Variants in GRIN2A observed in about 807,000 individuals in gnomAD.
The protein encoded by GRIN2A is glutamate ionotropic receptor NMDA type subunit 2A.
GRIN2A carries 22 observed loss-of-function variants against 113.4 expected under a neutral mutation model. The ratio of observed to expected loss-of-function variants is 0.19; its 90% confidence interval spans 0.14 to 0.28. The LOEUF (loss-of-function observed/expected upper bound fraction) is 0.28, where lower values mean the gene tolerates loss of function less well. GRIN2A is among the 10% of genes least tolerant of loss of function. GRIN2A has a pLI of 1.00. For synonymous variants in GRIN2A, 827 were observed against 738.4 expected (o/e 1.12, Z -1.94); for missense variants, 1,502 against 1,887.0 (o/e 0.80, Z 3.78).
intron 11 of GRIN2A, among the ~76,000 whole-genome samples, chr16:9,781,163 A>G (rs1242962198): frequency 6.6e-6 from 1 of 152,180 alleles, no homozygotes; most frequent in Non-Finnish European, 1.5e-5. Context: ...TTTATAAAAA[A>G]CATGTAATGG....
chr16:9,808,601 T>C (rs2042026784), intron 10 of GRIN2A, among the ~76,000 whole-genome samples: 1 of 152,154 alleles, frequency 6.6e-6, no homozygotes, highest in Non-Finnish European at 1.5e-5. Context: ...TTTACACATG[T>C]GGGAAACAGG....
intron 4 of GRIN2A, among the ~76,000 whole-genome samples, chr16:9,878,649 T>A (rs931413352): frequency 6.6e-6 from 1 of 152,196 alleles, no homozygotes; most frequent in Non-Finnish European, 1.5e-5. Context: ...ATCATTAGTA[T>A]CCCTATCAAC....
intron 2 of GRIN2A, among the ~76,000 whole-genome samples, chr16:10,088,593 C>G (rs1226871820): frequency 6.6e-6 from 1 of 152,232 alleles, no homozygotes; most frequent in Non-Finnish European, 1.5e-5. Flanking sequence ...GTCTGGATAT[C>G]ATTAGCTAAT....
At chr16:9,967,240 A>G (rs2045573096) in intron 2 of GRIN2A, among the ~76,000 whole-genome samples, 1 of 152,238 alleles carries the variant, frequency 6.6e-6, no homozygotes, top group East Asian at 1.9e-4. Context: ...TGGTAGATAT[A>G]CACCACGGAA....
intron 3 of GRIN2A, among the ~76,000 whole-genome samples, chr16:9,897,222 A>T (rs1265014517): frequency 5.0e-5 from 4 of 79,288 alleles, no homozygotes; most frequent in African/African-American, 1.6e-4. Flanking sequence ...TATATATATA[A>T]AAAAATACAT....
intron 2 of GRIN2A, among the ~76,000 whole-genome samples, chr16:10,028,093 A>G (rs1178273820): frequency 1.3e-5 from 2 of 152,222 alleles, no homozygotes; most frequent in East Asian, 3.9e-4. Context: ...ATCCTTGATC[A>G]GTGACACATG....
intron 4 of GRIN2A, among the ~76,000 whole-genome samples, chr16:9,885,027 G>A (rs758630037): frequency 2.0e-5 from 3 of 151,962 alleles, no homozygotes; most frequent in African/African-American, 4.8e-5. Context: ...GTGAGCCACC[G>A]TGCCCGGCTA....
intron 2 of GRIN2A, among the ~76,000 whole-genome samples, chr16:10,062,751 G>A (rs538837556): frequency 6.6e-6 from 1 of 152,122 alleles, no homozygotes; most frequent in Non-Finnish European, 1.5e-5. Context: ...TATAATCCCG[G>A]CTACTCGGGA....
chr16:9,987,737 G>T (rs1330361353), intron 2 of GRIN2A, among the ~76,000 whole-genome samples: 2 of 152,294 alleles, frequency 1.3e-5, no homozygotes, highest in East Asian at 1.9e-4. Context: ...AGAGGTAATG[G>T]TCTTAAATAG....
Position 9,822,345 on chromosome 16 carries a change from T to C in GRIN2A, c.2087A>G (p.Asn696Ser). ...GTACTGATGCATGTAGGGATAGTTA[T>C]TCCGAATGTTTCTCTCCGTGCTTCC... The part of the protein sequence containing the change: ...PNGSTERNIR[N>S]NYPYMHQYMT... Residue 696 changes from asparagine (N) to serine (S), a missense_variant, in exon 10 of 13, where the codon AAT (asparagine) becomes AGT (serine). Transcript: ENST00000330684. The C allele has an allele frequency of 6.2e-7, 1 of 1,611,826 alleles. No individual in the cohort carries two copies. Among genetic ancestry groups the C allele is most frequent in the East Asian group, 2.2e-5 (1 of 44,848 alleles).
chr16:9,918,048 G>A (rs2044285474), intron 3 of GRIN2A, among the ~76,000 whole-genome samples: 1 of 152,066 alleles, frequency 6.6e-6, no homozygotes, highest in Non-Finnish European at 1.5e-5. Context: ...CACTTACTGT[G>A]GGCCAGGTAC....
At chr16:10,046,710 C>T (rs754595566) in intron 2 of GRIN2A, among the ~76,000 whole-genome samples, 20 of 152,086 alleles carry the variant, frequency 1.3e-4, no homozygotes, top group Admixed American at 5.2e-4. Flanking sequence ...ATAAATTCTG[C>T]ACCCTTTTGA....
intron 3 of GRIN2A, among the ~76,000 whole-genome samples, chr16:9,919,558 T>C (rs940672296): frequency 6.6e-6 from 1 of 152,164 alleles, no homozygotes; most frequent in Non-Finnish European, 1.5e-5. Context: ...GTACATTTTG[T>C]ACCACCCTAG....
intron 3 of GRIN2A, among the ~76,000 whole-genome samples, chr16:9,900,043 A>G (rs7197598): frequency 0.027 from 4,158 of 152,318 alleles, 194 homozygotes; most frequent in African/African-American, 0.095. Context: ...ACGTCTAATG[A>G]GATACACAAC....
At chr16:10,097,401 C>G (rs1304636389) in intron 2 of GRIN2A, among the ~76,000 whole-genome samples, 1 of 152,166 alleles carries the variant, frequency 6.6e-6, no homozygotes, top group East Asian at 1.9e-4. Context: ...AAATCTTCAC[C>G]CTACATATAT....
intron 4 of GRIN2A, among the ~76,000 whole-genome samples, chr16:9,887,206 A>T (rs1433079552): frequency 1.3e-5 from 2 of 151,958 alleles, no homozygotes; most frequent in Non-Finnish European, 2.9e-5. Flanking sequence ...GTTTTTTTTT[A>T]AACTAAGCAC....
intron 2 of GRIN2A, among the ~76,000 whole-genome samples, chr16:10,123,052 C>A (rs908845925): frequency 2.0e-5 from 3 of 152,194 alleles, no homozygotes; most frequent in Non-Finnish European, 2.9e-5. Context: ...AAATATACAG[C>A]TAGCAATGGC....
rs1036947104 is a variant in GRIN2A, at chr16:9,827,774, C to T, written c.2007+1649G>A. ...GATCCAGGTGGGGTATGCACAGTGT[C>T]CAGTATACCATGCATGTATTCATTC... On this transcript the variant is annotated intron_variant, in intron 9 of 12. Transcript: ENST00000330684. 2.6e-5 allele frequency among the ~76,000 whole-genome samples: 4 copies of T among 152,166 alleles called. No homozygotes were observed. The South Asian group carries it at 6.2e-4, about 24-fold the overall frequency.
chr16:10,072,816 C>A (rs1276825075), intron 2 of GRIN2A, among the ~76,000 whole-genome samples: 1 of 152,078 alleles, frequency 6.6e-6, no homozygotes, highest in Non-Finnish European at 1.5e-5. Context: ...TCTGTGCTCA[C>A]TGAAGTTTGG....
Sources: allele counts gnomAD v4.1 joint callset (sites outside exome capture counted in the v4.1 genomes callset), GRCh38; gene constraint gnomAD v4.1.1; transcripts MANE v1.5; gene names NCBI Gene and HGNC (gene_info 2026-07-23, HGNC 2026-07-21).